Variants in ETV6 observed in about 807,000 individuals in gnomAD.
ETV6 encodes ETS variant transcription factor 6, also known as transcription factor ETV6.
A neutral mutation model predicts 51.1 loss-of-function variants in ETV6; 16 were observed. That is an observed-to-expected ratio of 0.31 (90% CI 0.21 to 0.48). The LOEUF (loss-of-function observed/expected upper bound fraction) is 0.48, where lower values mean the gene tolerates loss of function less well. Ranked by LOEUF, ETV6 falls within the 20% of genes least tolerant of loss-of-function variation. The pLI, the probability that ETV6 is intolerant of heterozygous loss-of-function variation, is 0.99. For missense variants in ETV6, 458 were observed against 594.8 expected, an observed-to-expected ratio of 0.77 and a Z score of 2.39; for synonymous variants, 240 against 224.1, an observed-to-expected ratio of 1.07 and a Z score of -0.64.
At chr12:11,838,763 G>A (rs1052129688) in intron 2 of ETV6, among the ~76,000 whole-genome samples, 1 of 152,214 alleles carries the variant, frequency 6.6e-6, no homozygotes, top group Non-Finnish European at 1.5e-5. Context: ...TGTGGGTGCT[G>A]TGGGCACCCT....
intron 2 of ETV6, among the ~76,000 whole-genome samples, chr12:11,754,272 A>G (rs1944973110): frequency 1.3e-5 from 2 of 152,218 alleles, no homozygotes; most frequent in Admixed American, 1.3e-4. Context: ...CAAAGCAGAA[A>G]AAACTCCCCT....
At chr12:11,792,584 G>C (rs1347554288) in intron 2 of ETV6, among the ~76,000 whole-genome samples, 2 of 152,122 alleles carry the variant, frequency 1.3e-5, no homozygotes, top group Non-Finnish European at 2.9e-5. Flanking sequence ...GTACTCGGGA[G>C]GCTGAGGTGG....
chr12:11,812,992 G>A (rs772901573), intron 2 of ETV6, among the ~76,000 whole-genome samples: 1 of 152,182 alleles, frequency 6.6e-6, no homozygotes, highest in African/African-American at 2.4e-5. Context: ...GCGGTGACCC[G>A]GTGCTGGGGA....
At chr12:11,678,289 G>A (rs1482844110) in intron 1 of ETV6, among the ~76,000 whole-genome samples, 5 of 152,328 alleles carry the variant, frequency 3.3e-5, no homozygotes, top group Non-Finnish European at 5.9e-5. Context: ...TAGCATGGAT[G>A]CTGATCAACT....
chr12:11,860,102 C>G (rs1288739890), intron 4 of ETV6, among the ~76,000 whole-genome samples: 1 of 152,176 alleles, frequency 6.6e-6, no homozygotes, highest in Non-Finnish European at 1.5e-5. Flanking sequence ...TCACCTACCC[C>G]CTGAGGAGCC....
At chr12:11,671,885 C>T (rs1429602650) in intron 1 of ETV6, among the ~76,000 whole-genome samples, 1 of 151,760 alleles carries the variant, frequency 6.6e-6, no homozygotes, top group Non-Finnish European at 1.5e-5. Flanking sequence ...AAAACTCAAC[C>T]AGGTGAACTG....
chr12:11,840,262 A>G (rs959538074), intron 3 of ETV6, among the ~76,000 whole-genome samples: 2 of 152,220 alleles, frequency 1.3e-5, no homozygotes, highest in East Asian at 1.9e-4. Flanking sequence ...AAGCATCTCT[A>G]CCTGCAGAGT....
intron 1 of ETV6, among the ~76,000 whole-genome samples, chr12:11,661,127 C>T (rs1864094501): frequency 6.6e-6 from 1 of 151,966 alleles, no homozygotes; most frequent in African/African-American, 2.4e-5. Flanking sequence ...GTAGCTAGGA[C>T]TACAGGTGCA....
intron 5 of ETV6, among the ~76,000 whole-genome samples, chr12:11,883,953 C>T (rs1034316436): frequency 6.6e-6 from 1 of 152,166 alleles, no homozygotes; most frequent in African/African-American, 2.4e-5. Flanking sequence ...CTACCCCAGC[C>T]TTCTCATCTT....
chr12:11,884,795 C>T (rs1014224293), intron 6 of ETV6, among the ~76,000 whole-genome samples: 1 of 152,146 alleles, frequency 6.6e-6, no homozygotes, highest in Non-Finnish European at 1.5e-5. Flanking sequence ...ACCAGGTGCC[C>T]ATTAACTCAC....
At chr12:11,654,972 C>CA (rs1419788051) in intron 1 of ETV6, among the ~76,000 whole-genome samples, 1 of 152,118 alleles carries the variant, frequency 6.6e-6, no homozygotes, top group Non-Finnish European at 1.5e-5. Context: ...AAGTCAAGGG[C>CA]AAAAAATACC....
intron 1 of ETV6, among the ~76,000 whole-genome samples, chr12:11,739,575 C>G (rs555816452): frequency 1.3e-5 from 2 of 152,108 alleles, no homozygotes; most frequent in Non-Finnish European, 2.9e-5. Context: ...AAATACAGAT[C>G]AAGTATTTCC....
chr12:11,733,598 T>C (rs1173881007), intron 1 of ETV6, among the ~76,000 whole-genome samples: 1 of 152,058 alleles, frequency 6.6e-6, no homozygotes, highest in Non-Finnish European at 1.5e-5. Context: ...TGATGAAATA[T>C]CACAACAGGT....
At chr12:11,661,936 C>T (rs894770643) in intron 1 of ETV6, among the ~76,000 whole-genome samples, 34 of 152,134 alleles carry the variant, frequency 2.2e-4, no homozygotes, top group Admixed American at 2.2e-3. Flanking sequence ...GGAATGTTGG[C>T]GAGCACAGCA....
chr12:11,765,267 A>G (rs1303690006), intron 2 of ETV6, among the ~76,000 whole-genome samples: 1 of 152,136 alleles, frequency 6.6e-6, no homozygotes, highest in African/African-American at 2.4e-5. Context: ...TGGCACATAC[A>G]TAGTGTAATA....
At chr12:11,858,406 T>TATATATA in intron 4 of ETV6, among the ~76,000 whole-genome samples, 1 of 148,002 alleles carries the variant, frequency 6.8e-6, no homozygotes, top group Non-Finnish European at 1.5e-5. Flanking sequence ...ATATATATAT[T>TATATATA]TTTTTTTAAT....
chr12:11,676,274 A>T (rs1480958121), intron 1 of ETV6, among the ~76,000 whole-genome samples: 2 of 152,222 alleles, frequency 1.3e-5, no homozygotes, highest in Non-Finnish European at 2.9e-5. Flanking sequence ...GACACAGCTC[A>T]GTCAGCCTCT....
At chr12:11,652,240 C>A (rs1434388904) in intron 1 of ETV6, among the ~76,000 whole-genome samples, 1 of 152,100 alleles carries the variant, frequency 6.6e-6, no homozygotes, top group Non-Finnish European at 1.5e-5. Flanking sequence ...TTTGCTTAGA[C>A]TGCATGTGTC....
At chr12:11,875,911 G>T (rs1209701419) in intron 5 of ETV6, among the ~76,000 whole-genome samples, 3 of 152,158 alleles carry the variant, frequency 2.0e-5, no homozygotes, top group Admixed American at 2.0e-4. Flanking sequence ...AACAGAGATT[G>T]CATGGCCAGC....
Sources: allele counts gnomAD v4.1 joint callset (sites outside exome capture counted in the v4.1 genomes callset), GRCh38; gene constraint gnomAD v4.1.1; transcripts MANE v1.5; gene names NCBI Gene and HGNC (gene_info 2026-07-23, HGNC 2026-07-21).